The following MGAT4C variants were observed in gnomAD, a reference collection of about 807,000 sequenced individuals.
MGAT4C encodes the protein alpha-1,3-mannosyl-glycoprotein 4-beta-N-acetylglucosaminyltransferase C.
A neutral mutation model predicts 40.1 loss-of-function variants in MGAT4C; 19 were observed. That is an observed-to-expected ratio of 0.47 (90% CI 0.33 to 0.70). The LOEUF (loss-of-function observed/expected upper bound fraction) is 0.70, where lower values mean the gene tolerates loss of function less well. MGAT4C is among the 30% of genes least tolerant of loss of function. The pLI is 0.02. For missense variants in MGAT4C, 491 were observed against 563.2 expected, an observed-to-expected ratio of 0.87 and a Z score of 1.30; for synonymous variants, 181 against 187.1, an observed-to-expected ratio of 0.97 and a Z score of 0.27.
At chr12:86,280,364 T>C (rs1311394698) in intron 4 of MGAT4C, among the ~76,000 whole-genome samples, 1 of 151,994 alleles carries the variant, frequency 6.6e-6, no homozygotes, top group Non-Finnish European at 1.5e-5. Context: ...ATCCTGTCAT[T>C]ACAAATCTAT....
intron 1 of MGAT4C, among the ~76,000 whole-genome samples, chr12:86,222,807 A>G (rs1458810949): frequency 6.6e-6 from 1 of 152,182 alleles, no homozygotes; most frequent in African/African-American, 2.4e-5. Context: ...GGTTAATGTC[A>G]AGATTAAATA....
chr12:86,411,508 A>T (rs1007047748), intron 3 of MGAT4C, among the ~76,000 whole-genome samples: 5 of 152,206 alleles, frequency 3.3e-5, no homozygotes, highest in African/African-American at 1.2e-4. Context: ...GATTTAGGTT[A>T]TCTGGTGTAA....
chr12:86,015,135 T>C (rs1201415805), intron 2 of MGAT4C, among the ~76,000 whole-genome samples: 1 of 151,730 alleles, frequency 6.6e-6, no homozygotes, highest in Non-Finnish European at 1.5e-5. Context: ...GTTTTTTCAC[T>C]TCTGAGGTGA....
intron 2 of MGAT4C, among the ~76,000 whole-genome samples, chr12:86,651,236 G>T (rs2136535183): frequency 6.6e-6 from 1 of 151,702 alleles, no homozygotes; most frequent in East Asian, 1.9e-4. Context: ...CTTCTTCATG[G>T]TATATTAACC....
intron 3 of MGAT4C, among the ~76,000 whole-genome samples, chr12:86,368,200 T>C (rs189454389): frequency 1.6e-3 from 243 of 152,226 alleles, no homozygotes; most frequent in Non-Finnish European, 2.9e-3. Context: ...AATATGCATA[T>C]CAACAATGAA....
intron 1 of MGAT4C, among the ~76,000 whole-genome samples, chr12:86,179,866 T>C (rs1473528023): frequency 6.6e-6 from 1 of 151,938 alleles, no homozygotes; most frequent in Non-Finnish European, 1.5e-5. Flanking sequence ...GAAAAATCCA[T>C]TTTTTGAGGA....
At chr12:86,190,746 C>G (rs960234033) in intron 1 of MGAT4C, among the ~76,000 whole-genome samples, 2 of 151,954 alleles carry the variant, frequency 1.3e-5, no homozygotes, top group Non-Finnish European at 2.9e-5. Context: ...TGGTCACACA[C>G]TAGATGTGAA....
chr12:86,773,869 T>C (rs542098728), intron 1 of MGAT4C, among the ~76,000 whole-genome samples: 7 of 151,628 alleles, frequency 4.6e-5, no homozygotes, highest in Non-Finnish European at 1.0e-4. Flanking sequence ...AATACTTAAG[T>C]ATAGATTATT....
chr12:86,000,055 T>G (rs1472500188), intron 2 of MGAT4C, among the ~76,000 whole-genome samples: 1 of 152,182 alleles, frequency 6.6e-6, no homozygotes, highest in Admixed American at 6.5e-5. Context: ...GATATGCTAA[T>G]TACCTTAATG....
At chr12:86,456,969 CA>C (rs538539743) in intron 2 of MGAT4C, among the ~76,000 whole-genome samples, 6 of 152,212 alleles carry the variant, frequency 3.9e-5, no homozygotes, top group Admixed American at 3.9e-4. Context: ...GGAGCATTTT[CA>C]AAAGCCGGAC....
intron 4 of MGAT4C, among the ~76,000 whole-genome samples, chr12:86,291,678 C>G (rs529069645): frequency 6.6e-6 from 1 of 152,200 alleles, no homozygotes; most frequent in South Asian, 2.1e-4. Context: ...TTTTAACATG[C>G]AGATTACAAA....
chr12:86,538,311 A>C (rs1959108299), intron 2 of MGAT4C, among the ~76,000 whole-genome samples: 1 of 152,148 alleles, frequency 6.6e-6, no homozygotes, highest in Non-Finnish European at 1.5e-5. Context: ...CATTTTGAGA[A>C]ACATTATTCT....
intron 2 of MGAT4C, among the ~76,000 whole-genome samples, chr12:86,459,862 C>A (rs1455270726): frequency 6.6e-6 from 1 of 151,618 alleles, no homozygotes; most frequent in South Asian, 2.1e-4. Flanking sequence ...GAAGTTGATG[C>A]CTAAAGGGAT....
chr12:86,032,703 A>AT lies in MGAT4C; in HGVS notation c.-7+16970dup, dbSNP rs1395205313. ...GCATAGTATGCAAACATTTTCTACC[A>AT]TTTTTTGGTTGTTTGTTTAACTCTG... On this transcript the variant is annotated intron_variant, in intron 2 of 4. Coordinates refer to ENST00000611864, the MANE Select transcript of MGAT4C (RefSeq NM_001351288.2). Among the ~76,000 whole-genome samples the AT allele has an allele frequency of 8.7e-5, 13 of 149,562 alleles. 2 individuals carry two copies. The East Asian group carries it at 1.4e-3, about 16-fold the overall frequency.
At chr12:86,625,738 A>G (rs1038994444) in intron 2 of MGAT4C, among the ~76,000 whole-genome samples, 2 of 152,194 alleles carry the variant, frequency 1.3e-5, no homozygotes, top group Admixed American at 1.3e-4. Flanking sequence ...AACAAACACT[A>G]GAAATAAAAC....
Position 85,970,441 on chromosome 12 carries a change from T to G in MGAT4C, c.*8848A>C, listed in dbSNP as rs1431085826. On this transcript the variant is annotated 3_prime_UTR_variant, in exon 5 of 5. Coordinates refer to ENST00000611864, the MANE Select transcript of MGAT4C (RefSeq NM_001351288.2). ...AGTTAGTGAAAACTGTTAAATTGATTATGAACGTAGGCACATTACTTATAA... is the reference window on the plus strand; with the variant it reads ...AGTTAGTGAAAACTGTTAAATTGATGATGAACGTAGGCACATTACTTATAA... 6.6e-6 allele frequency: 1 copy of G among 151,412 alleles called. No individual in the cohort carries two copies. Among genetic ancestry groups the G allele is most frequent in the Middle Eastern group, 3.4e-3 (1 of 294 alleles). 9.4% of individuals were successfully genotyped at this position (151,412 alleles called of 1,614,324 possible). A position where few individuals can be genotyped will look rare whatever the true frequency, so the allele number is the denominator to read the frequency against.
chr12:86,508,327 T>C (rs1958508892), intron 2 of MGAT4C, among the ~76,000 whole-genome samples: 2 of 152,140 alleles, frequency 1.3e-5, no homozygotes, highest in Non-Finnish European at 1.5e-5. Context: ...TTTGTTCTTG[T>C]GATAGTTTAC....
chr12:86,664,448 A>G (rs1454923102), intron 2 of MGAT4C, among the ~76,000 whole-genome samples: 1 of 152,194 alleles, frequency 6.6e-6, no homozygotes, highest in East Asian at 1.9e-4. Flanking sequence ...ATTTGTATCA[A>G]ATTTTGAGCA....
chr12:85,961,673 A>G lies in MGAT4C; in HGVS notation c.*17616T>C, dbSNP rs1357075433. The G allele has an allele frequency of 6.6e-6, 1 of 151,850 alleles. No homozygotes were observed. Among genetic ancestry groups the G allele is most frequent in the Non-Finnish European group, 1.5e-5 (1 of 67,770 alleles). 9.4% of individuals were successfully genotyped at this position (151,850 alleles called of 1,614,324 possible). A position where few individuals can be genotyped will look rare whatever the true frequency, so the allele number is the denominator to read the frequency against. On this transcript the variant is annotated 3_prime_UTR_variant, in exon 5 of 5. Transcript: ENST00000611864. Reference sequence around the variant, plus strand: ...AAGAGCAACGGAAGAAAATGTATCAAAACACATCTCCAATTTATTTGAATT... The same window carrying G: ...AAGAGCAACGGAAGAAAATGTATCAGAACACATCTCCAATTTATTTGAATT...
Sources: allele counts gnomAD v4.1 joint callset (sites outside exome capture counted in the v4.1 genomes callset), GRCh38; gene constraint gnomAD v4.1.1; transcripts MANE v1.5; gene names NCBI Gene and HGNC (gene_info 2026-07-23, HGNC 2026-07-21).